HEMK2: variants seen among roughly 807,000 people sequenced by gnomAD.
HEMK2 encodes the protein HemK methyltransferase 2, ETF1 glutamine and histone H4 lysine, also known as methyltransferase HEMK2.
At chr21:28,812,487 C>T in the HEMK2 span, among the ~76,000 whole-genome samples, 1 of 152,146 alleles carries the variant, frequency 6.6e-6, no homozygotes, top group African/African-American at 2.4e-5. Context: ...AGGGATGAAG[C>T]CAACTTGATC....
chr21:28,791,071 A>G, the HEMK2 span, among the ~76,000 whole-genome samples: 2 of 152,182 alleles, frequency 1.3e-5, no homozygotes, highest in African/African-American at 4.8e-5. Flanking sequence ...TAGACATAGA[A>G]AATGATGGAT....
At chr21:28,675,884 G>A in the HEMK2 span, among the ~76,000 whole-genome samples, 41 of 152,318 alleles carry the variant, frequency 2.7e-4, no homozygotes, top group South Asian at 1.2e-3. Context: ...GAAGGGCCTG[G>A]AGCTGCTACA....
At chr21:28,758,159 T>C in the HEMK2 span, among the ~76,000 whole-genome samples, 1 of 152,170 alleles carries the variant, frequency 6.6e-6, no homozygotes, top group Admixed American at 6.6e-5. Flanking sequence ...ATTGTGATCC[T>C]AAGACAAAAA....
At chr21:28,842,683 T>G in the HEMK2 span, among the ~76,000 whole-genome samples, 1 of 152,184 alleles carries the variant, frequency 6.6e-6, no homozygotes, top group South Asian at 2.1e-4. Flanking sequence ...GGATAAATCT[T>G]GGCTAGTCTA....
chr21:28,600,504 T>A, the HEMK2 span, among the ~76,000 whole-genome samples: 1 of 152,216 alleles, frequency 6.6e-6, no homozygotes, highest in East Asian at 1.9e-4. Flanking sequence ...GAAACCTTTT[T>A]TTCTTCCAAG....
the HEMK2 span, among the ~76,000 whole-genome samples, chr21:28,839,795 G>C: frequency 1.3e-5 from 2 of 152,012 alleles, no homozygotes; most frequent in African/African-American, 4.8e-5. Flanking sequence ...ATACTGCCAA[G>C]AGCAATCTAC....
At chr21:28,651,746 T>C in the HEMK2 span, among the ~76,000 whole-genome samples, 1 of 152,190 alleles carries the variant, frequency 6.6e-6, no homozygotes, top group African/African-American at 2.4e-5. Flanking sequence ...GTAATGTCAT[T>C]ACAGAGAAAT....
the HEMK2 span, among the ~76,000 whole-genome samples, chr21:28,844,760 T>G: frequency 2.0e-5 from 3 of 149,814 alleles, no homozygotes; most frequent in African/African-American, 7.5e-5. Flanking sequence ...TGATGTAAAA[T>G]TACACTTTCT....
chr21:28,640,946 T>C, the HEMK2 span, among the ~76,000 whole-genome samples: 1 of 152,320 alleles, frequency 6.6e-6, no homozygotes, highest in Middle Eastern at 3.4e-3. Flanking sequence ...TTTGACACTC[T>C]CAGAAGGAAA....
chr21:28,768,654 T>C, the HEMK2 span, among the ~76,000 whole-genome samples: 1 of 151,944 alleles, frequency 6.6e-6, no homozygotes, highest in Non-Finnish European at 1.5e-5. Flanking sequence ...CAATGGAGCA[T>C]CTCATGGTCA....
chr21:28,703,321 T>TA, the HEMK2 span, among the ~76,000 whole-genome samples: 82,071 of 148,302 alleles, frequency 0.55, 24,883 homozygotes, highest in East Asian at 0.84. Context: ...AAATAAAAGT[T>TA]AAAAAAAAAA....
At chr21:28,782,714 T>C in the HEMK2 span, among the ~76,000 whole-genome samples, 2 of 152,116 alleles carry the variant, frequency 1.3e-5, no homozygotes, top group African/African-American at 4.8e-5. Flanking sequence ...CTAATGAGTA[T>C]GGGGTTTCTT....
the HEMK2 span, among the ~76,000 whole-genome samples, chr21:28,877,465 A>C: frequency 1.3e-5 from 2 of 151,576 alleles, no homozygotes. Context: ...AAGGAAGGAA[A>C]AAAAGAAGAG....
chr21:28,724,941 C>T, the HEMK2 span, among the ~76,000 whole-genome samples: 1 of 151,748 alleles, frequency 6.6e-6, no homozygotes, highest in Non-Finnish European at 1.5e-5. Context: ...ACCACCATGC[C>T]GGCTAATTTT....
the HEMK2 span, among the ~76,000 whole-genome samples, chr21:28,677,031 G>C: frequency 6.6e-6 from 1 of 152,152 alleles, no homozygotes; most frequent in Non-Finnish European, 1.5e-5. Flanking sequence ...ATCTCACTGG[G>C]GAGTGTCAGA....
chr21:28,811,903 A>C, the HEMK2 span, among the ~76,000 whole-genome samples: 10,878 of 152,254 alleles, frequency 0.071, 878 homozygotes, highest in African/African-American at 0.18. Context: ...CCACATATCT[A>C]AAATAAAATT....
chr21:28,758,692 TCTTTGGAACACTTCCCATGAAACCCGATC>T, the HEMK2 span, among the ~76,000 whole-genome samples: 2 of 152,178 alleles, frequency 1.3e-5, no homozygotes, highest in Admixed American at 1.3e-4. Context: ...TGTATTAAAT[TCTTTGGAACACTTCCCATGAAACCCGATC>T]CTCAGGCATG....
chr21:28,819,840 G>A, the HEMK2 span, among the ~76,000 whole-genome samples: 380 of 152,074 alleles, frequency 2.5e-3, 2 homozygotes, highest in Non-Finnish European at 5.1e-4. Context: ...GAGCCACTGC[G>A]CCTGGCTCCA....
the HEMK2 span, among the ~76,000 whole-genome samples, chr21:28,798,203 G>T: frequency 0.016 from 2,491 of 152,260 alleles, 77 homozygotes; most frequent in African/African-American, 0.056. Flanking sequence ...AGCTCAGCTT[G>T]GGGTTTGAGG....
Sources: gnomAD v4.1 joint callset for allele counts (sites outside exome capture counted in the v4.1 genomes callset) on GRCh38, gnomAD v4.1.1 for gene constraint, MANE v1.5 for transcripts, NCBI Gene and HGNC (gene_info 2026-07-23, HGNC 2026-07-21) for gene names.